PIEZO2: variants seen among roughly 807,000 people sequenced by gnomAD.
The protein encoded by PIEZO2 is piezo-type mechanosensitive ion channel component 2.
PIEZO2 carries 172 observed loss-of-function variants against 337.3 expected under a neutral mutation model. The observed-to-expected ratio is 0.51, with a 90% CI of 0.45 to 0.58. PIEZO2 has a LOEUF of 0.58. Ranked by LOEUF, PIEZO2 falls within the 20% of genes least tolerant of loss-of-function variation. The probability of loss-of-function intolerance (pLI) is 0.00; values close to 1 mark genes in which losing one functional copy is unlikely to be tolerated. For synonymous variants in PIEZO2, 1,251 were observed against 1,228.5 expected, an observed-to-expected ratio of 1.02 and a Z score of -0.38; for missense variants, 3,028 against 3,391.3, an observed-to-expected ratio of 0.89 and a Z score of 2.66.
chr18:11,145,048 T>C (rs1279131466), intron 1 of PIEZO2, among the ~76,000 whole-genome samples: 1 of 152,194 alleles, frequency 6.6e-6, no homozygotes, highest in African/African-American at 2.4e-5. Flanking sequence ...ATGTGTAAAA[T>C]GTTCAATAAT....
rs1213352536 is a variant in PIEZO2, at chr18:11,092,759, C to T, written c.65-26537G>A. 1.3e-5 allele frequency among the ~76,000 whole-genome samples: 2 copies of T among 152,066 alleles called. No individual in the cohort carries two copies. Among genetic ancestry groups the T allele is most frequent in the Non-Finnish European group, 2.9e-5 (2 of 68,020 alleles). On this transcript the variant is annotated intron_variant, in intron 1 of 55. Transcript: ENST00000674853. This position sits in a 1 kb window ranked among gnomAD's most constrained non-coding sequence, Gnocchi z 4.5. The stretch of plus-strand genomic sequence containing the variant: ...CAGCCTTGCCTTTTAGTAATGTAGC[C>T]TATGTGATTGGGGTCGGAACTGAGA...
rs1269263427 is a variant in PIEZO2, at chr18:10,780,367, C to A, written c.2493-1G>T. 1.4e-6 allele frequency: 1 copy of A among 702,938 alleles called. No individual in the cohort carries two copies. The highest frequency in any genetic ancestry group is 1.5e-5 in the South Asian group (1 of 67,598). 43.5% of individuals were successfully genotyped at this position (702,938 alleles called of 1,614,324 possible). On this transcript the variant is annotated splice_acceptor_variant, in intron 17 of 55. Coordinates refer to ENST00000674853, the MANE Select transcript of PIEZO2 (RefSeq NM_001378183.1). LOFTEE classifies it high-confidence loss of function. ...TACGCGACCATTGACTTTGGCATGG[C>A]TACGAGGTGGCAGACGGAAGCACAG...
Position 10,682,425 on chromosome 18 carries a change from G to A in PIEZO2, c.7498-133C>T, listed in dbSNP as rs141350580. The stretch of plus-strand genomic sequence containing the variant: ...ATTTGGCCCTGAATCTTCTCTGTTC[G>A]CTCTGAAATGGGGATAGCAACCTTG... On this transcript the variant is annotated intron_variant, in intron 49 of 55. Coordinates refer to ENST00000674853, the MANE Select transcript of PIEZO2 (RefSeq NM_001378183.1). The surrounding 1 kb of genome is among the most constrained non-coding windows in gnomAD (Gnocchi z 5.6). 152 of 787,838 alleles carry A rather than the reference G, an allele frequency of 1.9e-4. No individual in the cohort carries two copies. The African/African-American group carries it at 2.2e-3, about 12-fold the overall frequency. 48.8% of individuals were successfully genotyped at this position (787,838 alleles called of 1,614,324 possible). A position where few individuals can be genotyped will look rare whatever the true frequency, so the allele number is the denominator to read the frequency against.
At chr18:10,688,783 A>G (rs2034665860) in intron 49 of PIEZO2, among the ~76,000 whole-genome samples, 1 of 152,130 alleles carries the variant, frequency 6.6e-6, no homozygotes, top group East Asian at 1.9e-4. Flanking sequence ...CAGGATTTCC[A>G]GACGCTTTGG....
intron 4 of PIEZO2, among the ~76,000 whole-genome samples, chr18:10,896,479 T>C (rs1266068563): frequency 1.3e-5 from 2 of 152,206 alleles, no homozygotes; most frequent in Non-Finnish European, 2.9e-5. Flanking sequence ...GATTTCTAAA[T>C]AAATATATTT....
rs868077286 is a variant in PIEZO2, at chr18:10,808,797, A to C, written c.918-1523T>G. Among the ~76,000 whole-genome samples the C allele has an allele frequency of 2.2e-4, 34 of 152,182 alleles. 1 individual carries two copies. The highest frequency in any genetic ancestry group is 7.0e-4 in the African/African-American group (29 of 41,444). Reference sequence around the variant, plus strand: ...GATTAAAATGTAAATTTCTTGTATAAAGTACACAGAACTGAAAGCTTTTCG... The same window carrying C: ...GATTAAAATGTAAATTTCTTGTATACAGTACACAGAACTGAAAGCTTTTCG... On this transcript the variant is annotated intron_variant, in intron 7 of 55. Coordinates refer to ENST00000674853, the MANE Select transcript of PIEZO2 (RefSeq NM_001378183.1).
chr18:11,025,222 T>A (rs190648625), intron 2 of PIEZO2, among the ~76,000 whole-genome samples: 6 of 152,276 alleles, frequency 3.9e-5, no homozygotes, highest in African/African-American at 1.4e-4. Flanking sequence ...AATAGCCACT[T>A]CATTTGGGGT....
At chr18:10,721,951 C>T (rs891739854) in intron 36 of PIEZO2, among the ~76,000 whole-genome samples, 21 of 152,128 alleles carry the variant, frequency 1.4e-4, no homozygotes, top group Non-Finnish European at 2.8e-4. Flanking sequence ...ATCAGGAGAT[C>T]TAGACCATCC....
intron 36 of PIEZO2, among the ~76,000 whole-genome samples, chr18:10,730,561 A>G (rs917718699): frequency 6.6e-5 from 10 of 152,108 alleles, no homozygotes; most frequent in African/African-American, 2.4e-4. Flanking sequence ...TTTTTTTATT[A>G]TAGTTTGAAA....
rs76131538 is a variant in PIEZO2 at position 10,825,978 on chromosome 18, T to C, written c.918-18704A>G. Among the ~76,000 whole-genome samples the C allele has an allele frequency of 7.7e-3, 1,171 of 152,340 alleles. 10 individuals are homozygous for C. Among genetic ancestry groups the C allele is most frequent in the Non-Finnish European group, 0.014 (934 of 68,032 alleles). ...AGAATTGCCTCTTATCTCCCATTTA[T>C]TCATTCAATCATTTACTTATATCAA... On this transcript the variant is annotated intron_variant, in intron 7 of 55. Coordinates refer to ENST00000674853, the MANE Select transcript of PIEZO2 (RefSeq NM_001378183.1).
intron 37 of PIEZO2, 75 bp from the exon 38 acceptor site, chr18:10,715,891 G>GT: frequency 4.0e-6 from 5 of 1,249,236 alleles, no homozygotes; most frequent in Admixed American, 2.4e-5. Context: ...GCCCAGCGAT[G>GT]TTTTACCAAA....
chr18:10,696,323 G>A (rs2035081463), intron 46 of PIEZO2, 35 bp from the exon 47 acceptor site: 1 of 1,613,680 alleles, frequency 6.2e-7, no homozygotes, highest in Non-Finnish European at 8.5e-7. Flanking sequence ...GCCCAAGAGA[G>A]GCAATTCATG....
rs2036905767 is a variant in PIEZO2, at chr18:11,035,735, C to T, written c.160+30392G>A. 6.6e-6 allele frequency among the ~76,000 whole-genome samples: 1 copy of T among 152,166 alleles called. No individual in the cohort carries two copies. The highest frequency in any genetic ancestry group is 2.1e-4 in the South Asian group (1 of 4,818). On this transcript the variant is annotated intron_variant, in intron 2 of 55. Coordinates refer to ENST00000674853, the MANE Select transcript of PIEZO2 (RefSeq NM_001378183.1). This position sits in a 1 kb window ranked among gnomAD's most constrained non-coding sequence, Gnocchi z 4.3. ...TGATTATGATGATGAAATTATTATT[C>T]CACAAAACTACCTCTGGGAAGATGA...
chr18:10,926,490 A>G (rs1568206479), intron 3 of PIEZO2, among the ~76,000 whole-genome samples: 2 of 152,188 alleles, frequency 1.3e-5, no homozygotes, highest in Non-Finnish European at 2.9e-5. Flanking sequence ...ATAGGAGCCT[A>G]TGAAAATCTG....
intron 4 of PIEZO2, among the ~76,000 whole-genome samples, chr18:10,885,795 T>G (rs555316809): frequency 6.6e-6 from 1 of 152,120 alleles, no homozygotes; most frequent in East Asian, 1.9e-4. Flanking sequence ...TCCTAAGAAT[T>G]TGAGAGTAAA....
chr18:10,698,745 C>T (rs2035207354), intron 44 of PIEZO2, among the ~76,000 whole-genome samples, 180 bp downstream of exon 44: 2 of 152,168 alleles, frequency 1.3e-5, no homozygotes, highest in South Asian at 4.1e-4. Flanking sequence ...AATGGGGTCA[C>T]ACAGCTGAGG....
At position 10,819,995 on chromosome 18, in the gene PIEZO2, C is replaced by T. The variant is rs1249549927; in HGVS notation, c.918-12721G>A. Among the ~76,000 whole-genome samples the T allele has an allele frequency of 6.6e-6, 1 of 152,066 alleles. No individual in the cohort carries two copies. Among genetic ancestry groups the T allele is most frequent in the African/African-American group, 2.4e-5 (1 of 41,426 alleles). On this transcript the variant is annotated intron_variant, in intron 7 of 55. Transcript: ENST00000674853. This position sits in a 1 kb window ranked among gnomAD's most constrained non-coding sequence, Gnocchi z 4.3. The stretch of plus-strand genomic sequence containing the variant: ...TGAGAAGCAACTTTAATAATGTTAT[C>T]CTATTGCTTTTTGAATGGCATTCAT...
intron 18 of PIEZO2, among the ~76,000 whole-genome samples, chr18:10,774,817 T>G (rs1188000283): frequency 2.0e-5 from 3 of 152,208 alleles, no homozygotes; most frequent in Middle Eastern, 3.2e-3. Flanking sequence ...AATCCAGAAA[T>G]TTTTAGCAGG....
chr18:10,984,858 A>C (rs2034807453), intron 2 of PIEZO2, among the ~76,000 whole-genome samples: 1 of 152,158 alleles, frequency 6.6e-6, no homozygotes, highest in South Asian at 2.1e-4. Flanking sequence ...AACTTGTTAC[A>C]TACAAGGTTA....
Sources: gnomAD v4.1 joint callset for allele counts (sites outside exome capture counted in the v4.1 genomes callset) on GRCh38, gnomAD v4.1.1 for gene constraint, Gnocchi (gnomAD v3.1) non-coding constraint, MANE v1.5 for transcripts, NCBI Gene and HGNC (gene_info 2026-07-23, HGNC 2026-07-21) for gene names.